Variants in EPHA6 observed in about 807,000 individuals in gnomAD.
The protein encoded by EPHA6 is ephrin type-A receptor 6.
Under a neutral mutation model 112.0 loss-of-function variants are expected in EPHA6, and 50 were observed. The ratio of observed to expected loss-of-function variants is 0.45; its 90% confidence interval spans 0.36 to 0.56. The LOEUF (loss-of-function observed/expected upper bound fraction) is 0.56. Among genes scored for constraint, EPHA6 ranks in the 20% least tolerant of loss-of-function variants. EPHA6 has a pLI of 0.00. For missense variants in EPHA6, 1,280 were observed against 1,417.4 expected (o/e 0.90, Z 1.56); for synonymous variants, 529 against 490.7 (o/e 1.08, Z -1.03).
At chr3:96,829,362 A>G (rs2033870678) in intron 1 of EPHA6, among the ~76,000 whole-genome samples, 1 of 152,122 alleles carries the variant, frequency 6.6e-6, no homozygotes. Context: ...GGGAGAATAA[A>G]TAATTACTGT....
intron 2 of EPHA6, among the ~76,000 whole-genome samples, chr3:96,928,771 C>T (rs2040168485): frequency 6.6e-6 from 1 of 152,128 alleles, no homozygotes; most frequent in South Asian, 2.1e-4. Context: ...TTGAAGGTCT[C>T]TAAGATCTTG....
chr3:97,381,059 T>C (rs1356704545), intron 5 of EPHA6, among the ~76,000 whole-genome samples: 2 of 152,118 alleles, frequency 1.3e-5, no homozygotes, highest in Non-Finnish European at 2.9e-5. Flanking sequence ...AAGTTGGCTT[T>C]AACATACCAT....
intron 7 of EPHA6, among the ~76,000 whole-genome samples, chr3:97,473,185 G>A (rs2107452600): frequency 6.6e-6 from 1 of 151,686 alleles, no homozygotes; most frequent in Non-Finnish European, 1.5e-5. Context: ...TAGGAAATAA[G>A]AGTATTTAAC....
chr3:97,378,173 C>T (rs1036690406), intron 5 of EPHA6, among the ~76,000 whole-genome samples: 1 of 152,124 alleles, frequency 6.6e-6, no homozygotes, highest in African/African-American at 2.4e-5. Context: ...CGTCCCAGCC[C>T]CTTCAGCCAT....
chr3:96,945,593 C>T (rs963687332), intron 2 of EPHA6, among the ~76,000 whole-genome samples: 10 of 151,936 alleles, frequency 6.6e-5, no homozygotes, highest in African/African-American at 1.2e-4. Flanking sequence ...TAAAATAACT[C>T]GATATTACCT....
chr3:97,758,669 G>A lies in EPHA6; in HGVS notation c.*9968G>A, dbSNP rs77738355. Among the ~76,000 whole-genome samples, 939 of 152,052 alleles carry A rather than the reference G, an allele frequency of 6.2e-3. 7 individuals carry two copies. Among genetic ancestry groups the A allele is most frequent in the African/African-American group, 0.022 (894 of 41,524 alleles). On this transcript the variant is annotated 3_prime_UTR_variant, in exon 18 of 18. Coordinates refer to ENST00000389672, the MANE Select transcript of EPHA6 (RefSeq NM_001080448.3). ...ATTAAAAATGTTACATAGCATGACT[G>A]TGGCTCCTTTAAGCGGTAGAGGAAA...
intron 6 of EPHA6, among the ~76,000 whole-genome samples, chr3:97,425,846 G>T (rs972029860): frequency 1.3e-5 from 2 of 152,118 alleles, no homozygotes; most frequent in Non-Finnish European, 2.9e-5. Context: ...TCTCTCTCAA[G>T]TTCAGAGCTC....
intron 3 of EPHA6, among the ~76,000 whole-genome samples, chr3:97,186,527 G>A (rs909340721): frequency 6.6e-6 from 1 of 151,830 alleles, no homozygotes; most frequent in Admixed American, 6.6e-5. Context: ...ATATCTTTTC[G>A]CTGAACACTT....
chr3:97,363,663 A>T (rs184814321), intron 5 of EPHA6, among the ~76,000 whole-genome samples: 75 of 152,198 alleles, frequency 4.9e-4, no homozygotes, highest in Admixed American at 9.2e-4. Context: ...ATATATACCC[A>T]AAATAATTGA....
At chr3:97,357,077 C>T (rs767311670) in intron 5 of EPHA6, among the ~76,000 whole-genome samples, 1 of 152,220 alleles carries the variant, frequency 6.6e-6, no homozygotes, top group Non-Finnish European at 1.5e-5. Flanking sequence ...ATCTATTTGG[C>T]CTAATTAATA....
chr3:97,743,687 T>C (rs1219222744), intron 16 of EPHA6, among the ~76,000 whole-genome samples: 2 of 152,068 alleles, frequency 1.3e-5, no homozygotes, highest in Non-Finnish European at 2.9e-5. Flanking sequence ...ATGTATTAGC[T>C]AGGAAACAAG....
At chr3:97,547,125 GA>G (rs1227951934) in intron 11 of EPHA6, among the ~76,000 whole-genome samples, 2 of 152,220 alleles carry the variant, frequency 1.3e-5, no homozygotes, top group Admixed American at 6.5e-5. Context: ...CATTCCTCTG[GA>G]AGAGGAGAGG....
At chr3:97,010,163 T>A in intron 3 of EPHA6, 1 of 1,079,154 alleles carries the variant, frequency 9.3e-7, no homozygotes, top group Non-Finnish European at 1.2e-6. Context: ...TGTTGTGTTT[T>A]CATTAAGAAG....
chr3:97,368,104 T>C (rs1265850484), intron 5 of EPHA6, among the ~76,000 whole-genome samples: 1 of 152,190 alleles, frequency 6.6e-6, no homozygotes, highest in Non-Finnish European at 1.5e-5. Flanking sequence ...ACTGAACCCA[T>C]CTGGAATATT....
intron 7 of EPHA6, among the ~76,000 whole-genome samples, chr3:97,461,208 C>T (rs374378196): frequency 6.6e-6 from 1 of 152,162 alleles, no homozygotes; most frequent in Non-Finnish European, 1.5e-5. Flanking sequence ...ATGTTAGCAA[C>T]TGATTCATGC....
intron 5 of EPHA6, among the ~76,000 whole-genome samples, chr3:97,348,543 G>GA (rs2083647903): frequency 6.7e-6 from 1 of 149,114 alleles, no homozygotes; most frequent in African/African-American, 2.4e-5. Context: ...ATTATTATTT[G>GA]AAAAAGTAAT....
At chr3:97,027,521 G>A (rs935121303) in intron 3 of EPHA6, among the ~76,000 whole-genome samples, 5 of 152,104 alleles carry the variant, frequency 3.3e-5, no homozygotes, top group African/African-American at 9.7e-5. Flanking sequence ...GGAAACAGAT[G>A]TACTTTTTAC....
At chr3:97,247,832 A>G (rs1452566864) in intron 5 of EPHA6, among the ~76,000 whole-genome samples, 1 of 151,986 alleles carries the variant, frequency 6.6e-6, no homozygotes, top group Non-Finnish European at 1.5e-5. Context: ...AAGATTGCTC[A>G]TGAGGTCATA....
chr3:97,302,233 T>A (rs2081123381), intron 5 of EPHA6, among the ~76,000 whole-genome samples: 1 of 152,062 alleles, frequency 6.6e-6, no homozygotes, highest in African/African-American at 2.4e-5. Flanking sequence ...ACAATTTAAT[T>A]ATTCTTTAGG....
Sources: gnomAD v4.1 joint callset for allele counts (sites outside exome capture counted in the v4.1 genomes callset) on GRCh38, gnomAD v4.1.1 for gene constraint, MANE v1.5 for transcripts, NCBI Gene and HGNC (gene_info 2026-07-23, HGNC 2026-07-21) for gene names.